Variants in SEPHS1 observed in about 807,000 individuals in gnomAD.
SEPHS1 encodes the protein zincore component SEPHS1.
In SEPHS1, 7 loss-of-function variants were observed where a neutral mutation model predicts 39.2. That is an observed-to-expected ratio of 0.18 (90% confidence interval 0.10 to 0.34). The LOEUF is 0.34. Among genes scored for constraint, SEPHS1 ranks in the 10% least tolerant of loss-of-function variants. SEPHS1 has a pLI of 1.00. For missense variants in SEPHS1, 253 were observed against 514.5 expected (o/e 0.49, Z 4.92); for synonymous variants, 190 against 195.5 (o/e 0.97, Z 0.23).
Position 13,319,101 on chromosome 10 carries a change from A to T in SEPHS1, c.*41T>A. 6.4e-7 allele frequency: 1 copy of T among 1,571,126 alleles called. No individual in the cohort carries two copies. Among genetic ancestry groups the T allele is most frequent in the Non-Finnish European group, 8.7e-7 (1 of 1,144,988 alleles). Reference sequence around the variant, plus strand: ...TTAATTGAAGTGATAAGGGAAATAGATCTATTTAAAAACAAAACCAAACAG... The same window carrying T: ...TTAATTGAAGTGATAAGGGAAATAGTTCTATTTAAAAACAAAACCAAACAG... On this transcript the variant is annotated 3_prime_UTR_variant, in exon 9 of 9. Transcript: ENST00000327347.
In SEPHS1 at chr10:13,321,099, G is replaced by A. The variant is rs77171045; in HGVS notation, c.964+1736C>T. Among the ~76,000 whole-genome samples the A allele has an allele frequency of 3.8e-3, 577 of 152,224 alleles. 17 individuals are homozygous for A. In the East Asian group the frequency reaches 0.079, roughly 21 times the overall value. ...AAGCCCCCTCGCCACAGCACAGGTC[G>A]ACGTGACCAGGGCTTTGTGGTCCCA... On this transcript the variant is annotated intron_variant, in intron 8 of 8. Coordinates refer to ENST00000327347, the MANE Select transcript of SEPHS1 (RefSeq NM_012247.5).
At chr10:13,328,480 A>G (rs781633590) in intron 6 of SEPHS1, 30 bp from the exon 7 acceptor site, 1 of 1,442,970 alleles carries the variant, frequency 6.9e-7, no homozygotes, top group East Asian at 2.3e-5. Flanking sequence ...TGAGGGAGAG[A>G]AAGAGAGGAA....
chr10:13,327,778 A>G (rs535209190), intron 7 of SEPHS1, among the ~76,000 whole-genome samples: 11 of 152,336 alleles, frequency 7.2e-5, no homozygotes, highest in Non-Finnish European at 1.3e-4. Flanking sequence ...CAGTGGAAAA[A>G]TCAACACAGC....
intron 5 of SEPHS1, 135 bp from the exon 6 acceptor site, chr10:13,329,923 G>T: frequency 1.4e-6 from 1 of 715,640 alleles, no homozygotes; most frequent in Non-Finnish European, 2.4e-6. Context: ...CCAACTACCA[G>T]CATGTATGGG....
intron 2 of SEPHS1, among the ~76,000 whole-genome samples, chr10:13,342,701 C>G (rs1833828300): frequency 6.6e-6 from 1 of 152,002 alleles, no homozygotes; most frequent in South Asian, 2.1e-4. Flanking sequence ...CATGGCACAC[C>G]TACACACATT....
chr10:13,332,918 A>C (rs890847795), intron 5 of SEPHS1, among the ~76,000 whole-genome samples: 1 of 152,084 alleles, frequency 6.6e-6, no homozygotes, highest in South Asian at 2.1e-4. Flanking sequence ...AAAATAGATG[A>C]CCCTTAAAAG....
At chr10:13,329,558 C>T (rs187638640) in intron 6 of SEPHS1, 140 bp downstream of exon 6, 1 of 610,020 alleles carries the variant, frequency 1.6e-6, no homozygotes, top group East Asian at 2.9e-5. Context: ...ATGAACAATT[C>T]CTAGGATTTC....
In SEPHS1 at chr10:13,322,984, A is replaced by G. The variant is rs753897686; in HGVS notation, c.815T>C (p.Leu272Ser). Residue 272 changes from leucine (L) to serine (S), a missense_variant, in exon 8 of 9, where the codon TTG becomes TCG. Physicochemically the swap from Leu to Ser is moderately radical, Grantham distance 145. This residue lies in a region of SEPHS1 where 107 missense variants were observed against 257.1 expected (regional missense o/e 0.42). Transcript: ENST00000327347. ...CTTGGCCAGGTTCTGCGCATGGCCC[A>G]AAATCCCGAAGCCCGTGATGTCAGT... ...AATDITGFGI[L>S]GHAQNLAKQQ... The G allele has an allele frequency of 6.2e-7, 1 of 1,614,106 alleles. No homozygotes were observed. The highest frequency in any genetic ancestry group is 8.5e-7 in the Non-Finnish European group (1 of 1,179,994).
intron 8 of SEPHS1, chr10:13,321,992 GCT>G: frequency 2.2e-6 from 1 of 448,030 alleles, no homozygotes; most frequent in Non-Finnish European, 4.5e-6. Flanking sequence ...CTGTCTGATG[GCT>G]CTCTCTACCT....
rs1176832451 is a variant in SEPHS1, at chr10:13,317,652, G to A, written c.*1490C>T. On this transcript the variant is annotated 3_prime_UTR_variant, in exon 9 of 9. Coordinates refer to ENST00000327347, the MANE Select transcript of SEPHS1 (RefSeq NM_012247.5). Reference sequence around the variant, plus strand: ...TGGAGGAGGGCGCGTCCGAGTTAAAGCCTCTTCCAGGAGCTTGAACTTCCC... The same window carrying A: ...TGGAGGAGGGCGCGTCCGAGTTAAAACCTCTTCCAGGAGCTTGAACTTCCC... The A allele has an allele frequency of 6.6e-6, 1 of 152,208 alleles. No individual in the cohort carries two copies. Among genetic ancestry groups the A allele is most frequent in the African/African-American group, 2.4e-5 (1 of 41,458 alleles). The allele number at this position is 152,208 out of a possible 1,614,324, so 9.4% of individuals were successfully genotyped here.
Position 13,319,148 on chromosome 10 carries a change from G to A in SEPHS1, c.1173C>T (p.Thr391=). The A allele has an allele frequency of 6.2e-7, 1 of 1,612,188 alleles. No homozygotes were observed. Among genetic ancestry groups the A allele is most frequent in the Non-Finnish European group, 8.5e-7 (1 of 1,179,438 alleles). ...ACAGCTATTTCTGTCTAGATTAAGA[G>A]GTGGCCCCGGGTGTGGGATTCACAT... ...TQNVNPTPGA[T]S is the part of the protein sequence containing the mutation. The change falls in exon 9 of 9, where the codon ACC becomes ACT. Residue 391 remains threonine (T), a synonymous_variant. Coordinates refer to ENST00000327347, the MANE Select transcript of SEPHS1 (RefSeq NM_012247.5).
intron 8 of SEPHS1, among the ~76,000 whole-genome samples, chr10:13,321,638 A>G (rs893628251): frequency 2.0e-5 from 3 of 152,220 alleles, no homozygotes; most frequent in Admixed American, 1.3e-4. Flanking sequence ...AAAAAGGGAA[A>G]AACAGGGAGA....
At position 13,333,962 on chromosome 10, in the gene SEPHS1, T is replaced by C; in HGVS notation, c.415A>G (p.Lys139Glu). 1 of 1,608,810 alleles carries C rather than the reference T, an allele frequency of 6.2e-7. No homozygotes were observed. Residue 139 changes from lysine to glutamate, a missense_variant, in exon 5 of 9, where the codon AAA becomes GAA. By Grantham distance (56) the Lys-to-Glu change is moderately conservative. This residue lies in a region of SEPHS1 where 123 missense variants were observed against 196.8 expected (regional missense o/e 0.62). Transcript: ENST00000327347. ...CCTTGGATAATCAGAGGCATCACTT[T>C]ATCCCTTTCCTAAGGTTGAAAAAGG... ...SNKMTDRERD[K>E]VMPLIIQGFK...
At chr10:13,325,984 T>C (rs150527022) in intron 7 of SEPHS1, among the ~76,000 whole-genome samples, 1 of 133,596 alleles carries the variant, frequency 7.5e-6, no homozygotes. Flanking sequence ...TAATAATAAA[T>C]GAATAAATAA....
intron 3 of SEPHS1, among the ~76,000 whole-genome samples, chr10:13,337,029 T>C (rs1306134585): frequency 1.3e-5 from 2 of 152,202 alleles, no homozygotes; most frequent in Non-Finnish European, 2.9e-5. Context: ...TGCACACCTG[T>C]AGTCTCAGCT....
Position 13,344,862 on chromosome 10 carries a change from C to G in SEPHS1, c.89G>C (p.Gly30Ala). The G allele has an allele frequency of 6.2e-7, 1 of 1,608,474 alleles. No individual in the cohort carries two copies. The highest frequency in any genetic ancestry group is 8.5e-7 in the Non-Finnish European group (1 of 1,177,268). The change falls in exon 2 of 9, where the codon GGC (glycine) becomes GCC (alanine). Residue 30 changes from glycine to alanine, a missense_variant. Physicochemically the swap from Gly to Ala is moderately conservative, Grantham distance 60. Transcript: ENST00000327347. ...CAGGACATCTTGGGGCACTTTGCAG[C>G]CTGTGCCCTTCAGTTCAGTGAATCT... The part of the protein sequence containing the change: ...LTRFTELKGT[G>A]CKVPQDVLQK...
chr10:13,339,985 G>C (rs188205754), intron 2 of SEPHS1, among the ~76,000 whole-genome samples: 1 of 152,236 alleles, frequency 6.6e-6, no homozygotes, highest in Admixed American at 6.5e-5. Context: ...CAAAAGCAGG[G>C]AAAAAGCCAG....
At chr10:13,327,754 G>A (rs950639121) in intron 7 of SEPHS1, among the ~76,000 whole-genome samples, 7 of 152,190 alleles carry the variant, frequency 4.6e-5, no homozygotes, top group East Asian at 1.9e-4. Flanking sequence ...TGTGAAACAG[G>A]AGAGCAGAGA....
At chr10:13,343,886 G>T (rs1276378311) in intron 2 of SEPHS1, among the ~76,000 whole-genome samples, 1 of 151,976 alleles carries the variant, frequency 6.6e-6, no homozygotes, top group South Asian at 2.1e-4. Flanking sequence ...ACTATGCGTC[G>T]AACACAAGAA....
Sources: gnomAD v4.1 joint callset for allele counts (sites outside exome capture counted in the v4.1 genomes callset) on GRCh38, gnomAD v4.1.1 for gene constraint, gnomAD v4.1.1 regional missense constraint, MANE v1.5 for transcripts, NCBI Gene and HGNC (gene_info 2026-07-23, HGNC 2026-07-21) for gene names.